PDIA6: variants seen among roughly 807,000 people sequenced by gnomAD.
The protein encoded by PDIA6 is protein disulfide-isomerase A6.
Under a neutral mutation model 58.4 loss-of-function variants are expected in PDIA6, and 29 were observed. The observed-to-expected ratio is 0.50, with a 90% CI of 0.37 to 0.68. PDIA6 has a LOEUF of 0.68. PDIA6 is among the 30% of genes least tolerant of loss of function. The probability of loss-of-function intolerance (pLI) is 0.00; values close to 1 mark genes in which losing one functional copy is unlikely to be tolerated. For missense variants in PDIA6, 480 were observed against 551.0 expected, an observed-to-expected ratio of 0.87 and a Z score of 1.29; for synonymous variants, 192 against 202.6, an observed-to-expected ratio of 0.95 and a Z score of 0.44.
intron 1 of PDIA6, among the ~76,000 whole-genome samples, chr2:10,826,505 G>T (rs192644210): frequency 1.3e-5 from 2 of 152,012 alleles, no homozygotes; most frequent in African/African-American, 2.4e-5. Flanking sequence ...AATTACAGGC[G>T]CCTGCCACCA....
intron 1 of PDIA6, among the ~76,000 whole-genome samples, chr2:10,804,320 C>T (rs1413775110): frequency 6.8e-6 from 1 of 147,308 alleles, no homozygotes; most frequent in African/African-American, 2.5e-5. Flanking sequence ...ACGTTTAAGT[C>T]TTTAATCCAT....
intron 2 of PDIA6, among the ~76,000 whole-genome samples, chr2:10,799,508 A>G (rs983864019): frequency 6.6e-6 from 1 of 152,218 alleles, no homozygotes; most frequent in Admixed American, 6.5e-5. Flanking sequence ...TTGATTCCAA[A>G]CACTACAATC....
chr2:10,784,078 A>G lies in PDIA6; in HGVS notation c.*180T>C, dbSNP rs929164594. On this transcript the variant is annotated 3_prime_UTR_variant, in exon 13 of 13. Transcript: ENST00000272227. ...CTACAACAATTCATAGAATTTTTCA[A>G]TGTTTTCTTGAGATGCAAAAGTTCA... 3.6e-5 allele frequency: 16 copies of G among 440,352 alleles called. No homozygotes were observed. The highest frequency in any genetic ancestry group is 2.8e-4 in the African/African-American group (14 of 49,962). The allele number at this position is 440,352 out of a possible 1,614,324, so 27.3% of individuals were successfully genotyped here.
chr2:10,829,139 T>C (rs1667635900), intron 1 of PDIA6, among the ~76,000 whole-genome samples: 1 of 152,206 alleles, frequency 6.6e-6, no homozygotes, highest in South Asian at 2.1e-4. Context: ...AAAAGGGCGA[T>C]ATCTGGCCTG....
intron 2 of PDIA6, among the ~76,000 whole-genome samples, chr2:10,802,257 C>T (rs987024904): frequency 2.0e-5 from 3 of 152,144 alleles, no homozygotes; most frequent in African/African-American, 7.2e-5. Flanking sequence ...CCTCCATTTT[C>T]TTTGCTCAAG....
chr2:10,810,441 C>T (rs1473714460), intron 1 of PDIA6: 4 of 1,376,454 alleles, frequency 2.9e-6, no homozygotes, highest in Admixed American at 6.5e-5. Context: ...CAGAACAGAC[C>T]AGGGTTTTTC....
intron 1 of PDIA6, among the ~76,000 whole-genome samples, chr2:10,809,653 A>AC (rs1289847387): frequency 6.0e-5 from 8 of 132,912 alleles, no homozygotes; most frequent in African/African-American, 2.6e-4. Flanking sequence ...CTCAAAAAAA[A>AC]AAAAAAAAAA....
At position 10,826,120 on chromosome 2, in the gene PDIA6, C is replaced by T. The variant is rs192362276; in HGVS notation, c.-48+6082G>A. 3.1e-3 allele frequency among the ~76,000 whole-genome samples: 468 copies of T among 152,270 alleles called. 5 individuals are homozygous for T. The highest frequency in any genetic ancestry group is 2.9e-3 in the Non-Finnish European group (196 of 68,032). On this transcript the variant is annotated intron_variant, in intron 1 of 13. Transcript: ENST00000381611. ...GAACGAAAAGTGCCATGCTATACAA[C>T]GGAAATATTATTCAGCTATTAAAAG... is the stretch of plus-strand genomic sequence containing the variant.
chr2:10,797,165 A>G lies in PDIA6; in HGVS notation c.262T>C (p.Ser88Pro), dbSNP rs368004204. 2 of 1,611,218 alleles carry G rather than the reference A, an allele frequency of 1.2e-6. No individual in the cohort carries two copies. Among genetic ancestry groups the G allele is most frequent in the Non-Finnish European group, 8.5e-7 (1 of 1,177,548 alleles). ...VGAVDADKHH[S>P]LGGQYGVQGF... ...TGAACACCATACTGACCTCCTAGGG[A>G]ATGATGCTTATCTGCATCAACTGCA... The change falls in exon 4 of 13, where the codon TCC (serine) becomes CCC (proline). Residue 88 changes from serine (S) to proline (P), a missense_variant. Physicochemically the swap from Ser to Pro is moderately conservative, Grantham distance 74. Coordinates refer to ENST00000272227, the MANE Select transcript of PDIA6 (RefSeq NM_005742.4).
At chr2:10,788,305 C>T (rs1384077433) in intron 10 of PDIA6, among the ~76,000 whole-genome samples, 1 of 152,244 alleles carries the variant, frequency 6.6e-6, no homozygotes, top group South Asian at 2.1e-4. Flanking sequence ...GTGCTGACAG[C>T]CCTTCATTCC....
In PDIA6 at chr2:10,802,654, C is replaced by T. The variant is rs767546992; in HGVS notation, c.20-14G>A. On this transcript the variant is annotated splice_polypyrimidine_tract_variant and intron_variant, in intron 1 of 12. Transcript: ENST00000272227. ...AGCTCACCAGACCTGAAGATAAAAACAAAAGTGCACCATTAACAGCACTGT... is the reference window on the plus strand; with the variant it reads ...AGCTCACCAGACCTGAAGATAAAAATAAAAGTGCACCATTAACAGCACTGT... 12 of 1,419,414 alleles carry T rather than the reference C, an allele frequency of 8.5e-6. No individual in the cohort carries two copies. The highest frequency in any genetic ancestry group is 1.1e-5 in the Non-Finnish European group (12 of 1,083,586). 87.9% of individuals were successfully genotyped at this position (1,419,414 alleles called of 1,614,324 possible).
chr2:10,836,070 T>C (rs921172182), upstream of PDIA6, among the ~76,000 whole-genome samples: 4 of 152,024 alleles, frequency 2.6e-5, no homozygotes, highest in African/African-American at 9.7e-5. Context: ...AAAAAATACT[T>C]TCAGACCGTG....
At chr2:10,806,627 A>AGAAAGAAAGAAAGAAAGAAAGG in intron 1 of PDIA6, among the ~76,000 whole-genome samples, 1 of 142,872 alleles carries the variant, frequency 7.0e-6, no homozygotes, top group Non-Finnish European at 1.6e-5. Flanking sequence ...AAAAATAAAG[A>AGAAAGAAAGAAAGAAAGAAAGG]CAGAAAGAAA....
At chr2:10,819,409 C>A in intron 1 of PDIA6, 1 of 1,032,014 alleles carries the variant, frequency 9.7e-7, no homozygotes, top group South Asian at 1.4e-5. Context: ...AAACTATTAC[C>A]GAATGTTCAC....
chr2:10,819,910 C>T (rs926835942), intron 1 of PDIA6, among the ~76,000 whole-genome samples: 1 of 152,168 alleles, frequency 6.6e-6, no homozygotes, highest in Non-Finnish European at 1.5e-5. Flanking sequence ...TCCGAGAAGC[C>T]CGCCTCTGCT....
intron 4 of PDIA6, among the ~76,000 whole-genome samples, chr2:10,794,468 CTTTTTTTT>C (rs76574229): frequency 7.8e-6 from 1 of 128,738 alleles, no homozygotes; most frequent in Non-Finnish European, 1.6e-5. Flanking sequence ...AAAAATCTTT[CTTTTTTTT>C]TTTTTTTTTT....
chr2:10,789,907 G>A lies in PDIA6; in HGVS notation c.700-18C>T. The A allele has an allele frequency of 3.1e-6, 5 of 1,605,398 alleles. No individual in the cohort carries two copies. The highest frequency in any genetic ancestry group is 4.3e-6 in the Non-Finnish European group (5 of 1,173,694). On this transcript the variant is annotated intron_variant, in intron 7 of 12. Coordinates refer to ENST00000272227, the MANE Select transcript of PDIA6 (RefSeq NM_005742.4). ...CCTCTAATCTATTAAAAAAAGGTCA[G>A]AGGATAAAATCCAATTAACACTTAA... is the stretch of plus-strand genomic sequence containing the variant.
rs200473793 is a variant in PDIA6 at position 10,794,075 on chromosome 2, GA to G, written c.347-874del. On this transcript the variant is annotated intron_variant, in intron 4 of 12. Coordinates refer to ENST00000272227, the MANE Select transcript of PDIA6 (RefSeq NM_005742.4). Reference sequence around the variant, plus strand: ...CAGTCAGGGGCTATTAACTAACACAGAAGTACTGGAATAACATATGCCATCT... The same window carrying G: ...CAGTCAGGGGCTATTAACTAACACAGAGTACTGGAATAACATATGCCATCT... Among the ~76,000 whole-genome samples, 1,180 of 152,226 alleles carry G rather than the reference GA, an allele frequency of 7.8e-3. 38 individuals are homozygous for G. The highest frequency in any genetic ancestry group is 0.074 in the East Asian group (385 of 5,178).
At chr2:10,823,639 C>T (rs1667466555) in intron 1 of PDIA6, among the ~76,000 whole-genome samples, 1 of 152,222 alleles carries the variant, frequency 6.6e-6, no homozygotes, top group South Asian at 2.1e-4. Flanking sequence ...TCACAATTGC[C>T]ACCACCTTGG....
Sources: allele counts gnomAD v4.1 joint callset (sites outside exome capture counted in the v4.1 genomes callset), GRCh38; gene constraint gnomAD v4.1.1; transcripts MANE v1.5; gene names NCBI Gene and HGNC (gene_info 2026-07-23, HGNC 2026-07-21).